Variants in LOXL2 observed in about 807,000 individuals in gnomAD.
LOXL2 encodes the protein lysyl oxidase like 2.
LOXL2 carries 70 observed loss-of-function variants against 93.0 expected under a neutral mutation model. That is an observed-to-expected ratio of 0.75 (90% CI 0.62 to 0.92). The LOEUF (loss-of-function observed/expected upper bound fraction) is 0.92, where lower values mean the gene tolerates loss of function less well. Among genes scored for constraint, LOXL2 ranks in the 40% least tolerant of loss-of-function variants. LOXL2 has a pLI of 0.00. For missense variants in LOXL2, 973 were observed against 1,054.9 expected, an observed-to-expected ratio of 0.92 and a Z score of 1.08; for synonymous variants, 438 against 413.2, an observed-to-expected ratio of 1.06 and a Z score of -0.73.
At chr8:23,402,308 C>T (rs1800162509) in intron 1 of LOXL2, among the ~76,000 whole-genome samples, 1 of 152,186 alleles carries the variant, frequency 6.6e-6, no homozygotes, top group Non-Finnish European at 1.5e-5. Flanking sequence ...CACGTGCACA[C>T]ATGCATACAC....
intron 1 of LOXL2, among the ~76,000 whole-genome samples, chr8:23,376,152 C>T (rs192149439): frequency 9.2e-5 from 14 of 152,196 alleles, no homozygotes; most frequent in Non-Finnish European, 1.9e-4. Flanking sequence ...GCATGAAGGG[C>T]TGTTGAATTT....
chr8:23,321,088 A>G (rs895281799), intron 7 of LOXL2, among the ~76,000 whole-genome samples: 4 of 151,990 alleles, frequency 2.6e-5, no homozygotes, highest in African/African-American at 7.3e-5. Context: ...TCTCTCTCCA[A>G]TGCATCCACT....
intron 4 of LOXL2, chr8:23,336,235 T>G (rs1346928648): frequency 2.0e-5 from 3 of 152,406 alleles, no homozygotes; most frequent in Non-Finnish European, 4.4e-5. Context: ...TCCTGCGTTC[T>G]AAATGAAGAG....
chr8:23,298,129 A>G lies in LOXL2; in HGVS notation c.2246-7T>C. The G allele has an allele frequency of 6.2e-7, 1 of 1,611,366 alleles. No homozygotes were observed. Among genetic ancestry groups the G allele is most frequent in the Non-Finnish European group, 8.5e-7 (1 of 1,178,206 alleles). Reference sequence around the variant, plus strand: ...TCTTCGCTGAAGGAACCACCTGAAGAGCGAGAATCGGGTAGAGAGAGTGGA... The same window carrying G: ...TCTTCGCTGAAGGAACCACCTGAAGGGCGAGAATCGGGTAGAGAGAGTGGA... On this transcript the variant is annotated splice_region_variant and splice_polypyrimidine_tract_variant and intron_variant, in intron 13 of 13. Transcript: ENST00000389131.
At chr8:23,386,839 C>T (rs572238629) in intron 1 of LOXL2, among the ~76,000 whole-genome samples, 1 of 152,278 alleles carries the variant, frequency 6.6e-6, no homozygotes, top group Non-Finnish European at 1.5e-5. Context: ...ATCTCCGTAG[C>T]TCCCTCCACA....
intron 1 of LOXL2, among the ~76,000 whole-genome samples, chr8:23,383,445 T>C (rs1346280984): frequency 6.6e-6 from 1 of 152,192 alleles, no homozygotes; most frequent in African/African-American, 2.4e-5. Context: ...TGTGGAGCTC[T>C]GTGCTTCATA....
rs1554479811 is a variant in LOXL2 at position 23,346,132 on chromosome 8, T to TAATA, written c.532-4930_532-4929insTATT. On this transcript the variant is annotated intron_variant, in intron 3 of 13. Transcript: ENST00000389131. ...AAAATAAAATTAAAATAAAATAAAATAAAATAAAATAAATAAAATAAAATA... is the reference window on the plus strand; with the variant it reads ...AAAATAAAATTAAAATAAAATAAAATAATAAAAATAAAATAAATAAAATAAAATA... Among the ~76,000 whole-genome samples, 49 of 28,772 alleles carry TAATA rather than the reference T, an allele frequency of 1.7e-3. No homozygotes were observed. The East Asian group carries it at 0.021, about 12-fold the overall frequency. The allele number at this position is 28,772 out of a possible 152,430, so 18.9% of individuals were successfully genotyped here.
At chr8:23,330,104 T>A (rs1234181069) in intron 5 of LOXL2, among the ~76,000 whole-genome samples, 1 of 152,018 alleles carries the variant, frequency 6.6e-6, no homozygotes, top group Non-Finnish European at 1.5e-5. Flanking sequence ...GGCGGGTGGA[T>A]CACGAGGTCA....
chr8:23,319,609 G>T (rs2117157345), intron 8 of LOXL2, among the ~76,000 whole-genome samples: 1 of 152,266 alleles, frequency 6.6e-6, no homozygotes, highest in South Asian at 2.1e-4. Context: ...GAACCCCAGT[G>T]TGCAGAGCAG....
chr8:23,342,943 G>T (rs943094983), intron 3 of LOXL2, among the ~76,000 whole-genome samples: 1 of 152,032 alleles, frequency 6.6e-6, no homozygotes, highest in Admixed American at 6.6e-5. Flanking sequence ...CAGAGACGAG[G>T]TCTCACTATG....
In LOXL2 at chr8:23,316,677, T is replaced by C. The variant is rs752164301; in HGVS notation, c.1636+272A>G. 1.1e-4 allele frequency: 52 copies of C among 457,168 alleles called. 1 individual carries two copies. The highest frequency in any genetic ancestry group is 5.0e-5 in the Non-Finnish European group (13 of 261,592). The allele number at this position is 457,168 out of a possible 1,614,324, so 28.3% of individuals were successfully genotyped here. On this transcript the variant is annotated intron_variant, in intron 9 of 13. Transcript: ENST00000389131. Reference sequence around the variant, plus strand: ...GCACTCTCAGTCATGTAGTCTGCCCTGGGTCACTGCAGTAGCAGTGGTCCT... The same window carrying C: ...GCACTCTCAGTCATGTAGTCTGCCCCGGGTCACTGCAGTAGCAGTGGTCCT...
At chr8:23,310,173 G>C (rs544197648) in intron 9 of LOXL2, among the ~76,000 whole-genome samples, 20 of 152,360 alleles carry the variant, frequency 1.3e-4, no homozygotes, top group South Asian at 1.2e-3. Flanking sequence ...CCTAGGCTAC[G>C]AGCGAAGCAC....
At chr8:23,388,988 A>G (rs1804805413) in intron 1 of LOXL2, among the ~76,000 whole-genome samples, 1 of 152,160 alleles carries the variant, frequency 6.6e-6, no homozygotes, top group Non-Finnish European at 1.5e-5. Flanking sequence ...AACAAGCATC[A>G]TTCATTGGAA....
Position 23,298,061 on chromosome 8 carries a change from G to A in LOXL2, c.2307C>T (p.Asn769=), listed in dbSNP as rs189179176. 23 of 1,613,860 alleles carry A rather than the reference G, an allele frequency of 1.4e-5. No homozygotes were observed. The African/African-American group carries it at 2.9e-4, about 21-fold the overall frequency. Residue 769 remains asparagine, a synonymous_variant, in exon 14 of 14, where the codon AAC becomes AAT. Coordinates refer to ENST00000389131, the MANE Select transcript of LOXL2 (RefSeq NM_002318.3). ...GGCTTCTTTACTGCGGGGACAGCTG[G>A]TTGTTTAAGAGCCCGCTGAAGTGCT... ...KFEHFSGLLN[N]QLSPQ is the part of the protein sequence containing the mutation.
intron 1 of LOXL2, among the ~76,000 whole-genome samples, chr8:23,374,204 G>GT (rs1804547761): frequency 6.7e-6 from 1 of 150,144 alleles, no homozygotes; most frequent in Admixed American, 6.7e-5. Context: ...GTGGTGTTTG[G>GT]TTTTTTGTTC....
Position 23,334,827 on chromosome 8 carries a change from T to C in LOXL2, c.744-1204A>G, listed in dbSNP as rs532680955. ...AGTTTATTTATTTGTTGTTGTTTTT[T>C]TTTTTTTGAGATGGAGTCTCACTCT... On this transcript the variant is annotated intron_variant, in intron 4 of 13. Coordinates refer to ENST00000389131, the MANE Select transcript of LOXL2 (RefSeq NM_002318.3). 3.3e-5 allele frequency among the ~76,000 whole-genome samples: 5 copies of C among 151,896 alleles called. No homozygotes were observed. In the East Asian group the frequency reaches 9.7e-4, roughly 29 times the overall value.
At chr8:23,343,091 C>T (rs1350072213) in intron 3 of LOXL2, among the ~76,000 whole-genome samples, 1 of 152,190 alleles carries the variant, frequency 6.6e-6, no homozygotes, top group African/African-American at 2.4e-5. Context: ...TTGACTAGCT[C>T]CTCTTTGTCT....
chr8:23,359,649 G>A (rs1003851991), intron 3 of LOXL2, among the ~76,000 whole-genome samples: 1 of 152,214 alleles, frequency 6.6e-6, no homozygotes, highest in African/African-American at 2.4e-5. Flanking sequence ...AACTGTGCAA[G>A]ATAATAAAGA....
At chr8:23,323,043 C>T (rs973189909) in intron 6 of LOXL2, among the ~76,000 whole-genome samples, 5 of 152,242 alleles carry the variant, frequency 3.3e-5, no homozygotes, top group Non-Finnish European at 5.9e-5. Flanking sequence ...GGTATCCAGG[C>T]TTACTGAGGC....
Sources: gnomAD v4.1 joint callset for allele counts (sites outside exome capture counted in the v4.1 genomes callset) on GRCh38, gnomAD v4.1.1 for gene constraint, MANE v1.5 for transcripts, NCBI Gene and HGNC (gene_info 2026-07-23, HGNC 2026-07-21) for gene names.